The following SLC7A5 variants were observed in gnomAD, a reference collection of about 807,000 sequenced individuals.
SLC7A5 encodes the protein solute carrier family 7 member 5, also known as large neutral amino acids transporter small subunit 1.
In SLC7A5, 23 loss-of-function variants were observed where a neutral mutation model predicts 50.2. That is an observed-to-expected ratio of 0.46 (90% CI 0.33 to 0.65). SLC7A5 has a LOEUF of 0.65. SLC7A5 is among the 30% of genes least tolerant of loss of function. The pLI, the probability that SLC7A5 is intolerant of heterozygous loss-of-function variation, is 0.02. For missense variants in SLC7A5, 578 were observed against 684.4 expected, an observed-to-expected ratio of 0.84 and a Z score of 1.73; for synonymous variants, 393 against 330.6, an observed-to-expected ratio of 1.19 and a Z score of -2.05.
At chr16:87,842,335 C>A (rs1169796765) in intron 2 of SLC7A5, among the ~76,000 whole-genome samples, 2 of 152,196 alleles carry the variant, frequency 1.3e-5, no homozygotes, top group East Asian at 3.8e-4. Flanking sequence ...TGGCCTTGGA[C>A]CACAGGTCAC....
At chr16:87,836,805 C>A in intron 7 of SLC7A5, 158 bp from the exon 8 acceptor site, 2 of 520,616 alleles carry the variant, frequency 3.8e-6, no homozygotes, top group Non-Finnish European at 7.2e-6. Flanking sequence ...CATGCAAGGT[C>A]TTGAAGGAGG....
chr16:87,868,022 CAGG>C (rs1226967986), intron 1 of SLC7A5, among the ~76,000 whole-genome samples: 2 of 149,246 alleles, frequency 1.3e-5, no homozygotes, highest in Admixed American at 1.4e-4. Context: ...GAGGCTGAGC[CAGG>C]AGAATGGCAT....
Position 87,852,795 on chromosome 16 carries a change from A to C in SLC7A5, c.539-946T>G, listed in dbSNP as rs2055254675. On this transcript the variant is annotated intron_variant, in intron 1 of 9. Coordinates refer to ENST00000261622, the MANE Select transcript of SLC7A5 (RefSeq NM_003486.7). This position sits in a 1 kb window ranked among gnomAD's most constrained non-coding sequence, Gnocchi z 4.5. ...CAATATGTGCGCACGCTGAGCCACT[A>C]TTCAGGGATCTGTGAGCTGGTGGGG... Among the ~76,000 whole-genome samples the C allele has an allele frequency of 6.6e-6, 1 of 151,902 alleles. No individual in the cohort carries two copies. The highest frequency in any genetic ancestry group is 1.5e-5 in the Non-Finnish European group (1 of 67,960).
chr16:87,859,808 G>A (rs2055366352), intron 1 of SLC7A5, among the ~76,000 whole-genome samples: 1 of 152,002 alleles, frequency 6.6e-6, no homozygotes, highest in African/African-American at 2.4e-5. Flanking sequence ...CATGGTGGCG[G>A]CAGGCACCTG....
intron 1 of SLC7A5, among the ~76,000 whole-genome samples, chr16:87,858,253 G>A (rs2055345072): frequency 6.6e-6 from 1 of 152,150 alleles, no homozygotes. Context: ...CTGCATGGGC[G>A]AAATACCTCG....
rs552521647 is a variant in SLC7A5 at position 87,868,034 on chromosome 16, A to G, written c.538+851T>C. 9.0e-4 allele frequency among the ~76,000 whole-genome samples: 135 copies of G among 150,514 alleles called. 1 individual carries two copies. The highest frequency in any genetic ancestry group is 3.1e-3 in the African/African-American group (127 of 40,978). ...CGGGAGGCTGAGCCAGGAGAATGGC[A>G]TGAACCTGGGAGGCGGGCTTGCGGT... On this transcript the variant is annotated intron_variant, in intron 1 of 9. Coordinates refer to ENST00000261622, the MANE Select transcript of SLC7A5 (RefSeq NM_003486.7).
chr16:87,866,561 G>A (rs933875286), intron 1 of SLC7A5, among the ~76,000 whole-genome samples: 40 of 151,982 alleles, frequency 2.6e-4, no homozygotes, highest in African/African-American at 8.0e-4. Context: ...CACCTCCTGG[G>A]TTCTAGTGAT....
At chr16:87,858,697 C>T (rs796986334) in intron 1 of SLC7A5, among the ~76,000 whole-genome samples, 2 of 152,150 alleles carry the variant, frequency 1.3e-5, no homozygotes, top group Non-Finnish European at 2.9e-5. Context: ...TTTTCAATCC[C>T]GGCTGTCAAA....
chr16:87,851,956 G>T, intron 1 of SLC7A5, 107 bp from the exon 2 acceptor site: 1 of 1,381,942 alleles, frequency 7.2e-7, no homozygotes, highest in Non-Finnish European at 1.0e-6. Context: ...AGGTCCACCA[G>T]AAAAACAAGC....
In SLC7A5 at chr16:87,833,997, G is replaced by T. The variant is rs1161848787; in HGVS notation, c.1468+417C>A. Among the ~76,000 whole-genome samples, 1 of 152,104 alleles carries T rather than the reference G, an allele frequency of 6.6e-6. No individual in the cohort carries two copies. On this transcript the variant is annotated intron_variant, in intron 9 of 9. Transcript: ENST00000261622. The surrounding 1 kb of genome is among the most constrained non-coding windows in gnomAD (Gnocchi z 6.0). ...GCCTCCTGAGTAGCTGGGATTACAG[G>T]TGTGTGCCACTACACCCAGCTGATC...
At chr16:87,865,600 G>A (rs766751423) in intron 1 of SLC7A5, among the ~76,000 whole-genome samples, 15 of 152,116 alleles carry the variant, frequency 9.9e-5, no homozygotes, top group South Asian at 2.1e-4. Flanking sequence ...CCAGCTACTC[G>A]GGAGGCTGAG....
chr16:87,848,564 C>T (rs1454559558), intron 2 of SLC7A5, among the ~76,000 whole-genome samples: 1 of 152,218 alleles, frequency 6.6e-6, no homozygotes, highest in East Asian at 1.9e-4. Flanking sequence ...ATGCCCCAGC[C>T]TAGGGGCAGC....
In SLC7A5 at chr16:87,852,378, C is replaced by A. The variant is rs887679716; in HGVS notation, c.539-529G>T. Among the ~76,000 whole-genome samples the A allele has an allele frequency of 2.2e-4, 34 of 152,202 alleles. No homozygotes were observed. Among genetic ancestry groups the A allele is most frequent in the Non-Finnish European group, 5.9e-5 (4 of 68,036 alleles). On this transcript the variant is annotated intron_variant, in intron 1 of 9. Transcript: ENST00000261622. This position sits in a 1 kb window ranked among gnomAD's most constrained non-coding sequence, Gnocchi z 4.5. Reference sequence around the variant, plus strand: ...GTCCCGCTTTCCCGGAACTACCTGGCCAGTCACCTGGGGACGGCAGCCTGG... The same window carrying A: ...GTCCCGCTTTCCCGGAACTACCTGGACAGTCACCTGGGGACGGCAGCCTGG...
At chr16:87,867,485 G>A (rs539219643) in intron 1 of SLC7A5, among the ~76,000 whole-genome samples, 1 of 152,282 alleles carries the variant, frequency 6.6e-6, no homozygotes, top group East Asian at 1.9e-4. Context: ...CAGAGCCTCA[G>A]AGAAACCACA....
intron 1 of SLC7A5, among the ~76,000 whole-genome samples, chr16:87,867,556 C>T (rs555080205): frequency 6.6e-6 from 1 of 152,188 alleles, no homozygotes; most frequent in African/African-American, 2.4e-5. Context: ...ATGCCTCCCC[C>T]TCCCCCTCCC....
intron 7 of SLC7A5, chr16:87,836,920 T>A: frequency 2.1e-6 from 1 of 474,386 alleles, no homozygotes; most frequent in Admixed American, 3.3e-5. Flanking sequence ...GAGACCACAT[T>A]TGGGTTAAGG....
intron 1 of SLC7A5, among the ~76,000 whole-genome samples, chr16:87,864,473 A>G (rs1329730370): frequency 6.6e-6 from 1 of 152,094 alleles, no homozygotes; most frequent in East Asian, 1.9e-4. Flanking sequence ...AAGCCCCCCT[A>G]TAAGGGCAGG....
At position 87,867,304 on chromosome 16, in the gene SLC7A5, T is replaced by C. The variant is rs141286333; in HGVS notation, c.538+1581A>G. Among the ~76,000 whole-genome samples the C allele has an allele frequency of 1.9e-3, 285 of 152,318 alleles. 1 individual carries two copies. Among genetic ancestry groups the C allele is most frequent in the African/African-American group, 6.6e-3 (275 of 41,564 alleles). ...GTTACATACCGGGCCGACATGTACC[T>C]AGGCGGGAGGGAGACTGAACCAGTG... On this transcript the variant is annotated intron_variant, in intron 1 of 9. Transcript: ENST00000261622.
At chr16:87,867,131 G>C (rs1228753681) in intron 1 of SLC7A5, among the ~76,000 whole-genome samples, 1 of 152,184 alleles carries the variant, frequency 6.6e-6, no homozygotes, top group African/African-American at 2.4e-5. Context: ...TGTTGGTCAG[G>C]CTGGTCTCGA....
Sources: gnomAD v4.1 joint callset for allele counts (sites outside exome capture counted in the v4.1 genomes callset) on GRCh38, gnomAD v4.1.1 for gene constraint, Gnocchi (gnomAD v3.1) non-coding constraint, MANE v1.5 for transcripts, NCBI Gene and HGNC (gene_info 2026-07-23, HGNC 2026-07-21) for gene names.